Variants in FMNL2 observed in about 807,000 individuals in gnomAD.
FMNL2 encodes formin like 2, also known as formin-like protein 2.
Under a neutral mutation model 130.2 loss-of-function variants are expected in FMNL2, and 51 were observed. The ratio of observed to expected loss-of-function variants is 0.39; its 90% CI spans 0.31 to 0.49. The LOEUF is 0.49. FMNL2 is among the 20% of genes least tolerant of loss of function. The pLI is 0.85. For synonymous variants in FMNL2, 465 were observed against 467.1 expected, an observed-to-expected ratio of 1.00 and a Z score of 0.06; for missense variants, 977 against 1,316.2, an observed-to-expected ratio of 0.74 and a Z score of 3.99.
intron 1 of FMNL2, among the ~76,000 whole-genome samples, chr2:152,510,350 T>A (rs1179822643): frequency 6.6e-6 from 1 of 152,216 alleles, no homozygotes; most frequent in Non-Finnish European, 1.5e-5. Flanking sequence ...TAACAAATTA[T>A]TTTTCCTTCC....
At chr2:152,628,857 A>C (rs1358145015) in intron 18 of FMNL2, among the ~76,000 whole-genome samples, 1 of 152,242 alleles carries the variant, frequency 6.6e-6, no homozygotes, top group African/African-American at 2.4e-5. Context: ...CTCTGAAGAT[A>C]CTAGTCTTCT....
intron 6 of FMNL2, among the ~76,000 whole-genome samples, chr2:152,564,699 C>T (rs760167929): frequency 6.7e-5 from 10 of 149,206 alleles, no homozygotes; most frequent in Non-Finnish European, 3.0e-5. Context: ...TGCCACTGCA[C>T]TCCAGCCTGG....
At chr2:152,621,787 C>G (rs1480736183) in intron 15 of FMNL2, among the ~76,000 whole-genome samples, 1 of 152,188 alleles carries the variant, frequency 6.6e-6, no homozygotes, top group Non-Finnish European at 1.5e-5. Flanking sequence ...GAGTAACTCT[C>G]TCTCTCACTC....
intron 9 of FMNL2, among the ~76,000 whole-genome samples, chr2:152,594,265 G>A (rs1697636177): frequency 6.6e-6 from 1 of 152,128 alleles, no homozygotes; most frequent in African/African-American, 2.4e-5. Context: ...TATTCAAATA[G>A]TTCCCTCTAA....
At chr2:152,643,632 T>G in intron 25 of FMNL2, 1 of 1,486,160 alleles carries the variant, frequency 6.7e-7, no homozygotes, top group South Asian at 1.3e-5. Flanking sequence ...GCCATCTCCA[T>G]CATGTTATAT....
intron 3 of FMNL2, among the ~76,000 whole-genome samples, chr2:152,547,135 G>C (rs530398402): frequency 1.3e-5 from 2 of 152,094 alleles, no homozygotes; most frequent in African/African-American, 4.8e-5. Context: ...TAGTGACAGA[G>C]TTTCTCCATG....
At chr2:152,349,143 G>A (rs922528486) in intron 1 of FMNL2, among the ~76,000 whole-genome samples, 4 of 152,114 alleles carry the variant, frequency 2.6e-5, no homozygotes, top group Admixed American at 1.3e-4. Flanking sequence ...CCACTTCTAA[G>A]GGTTTTAAAT....
At chr2:152,386,283 G>T (rs1684777427) in intron 1 of FMNL2, among the ~76,000 whole-genome samples, 2 of 152,152 alleles carry the variant, frequency 1.3e-5, no homozygotes, top group Admixed American at 1.3e-4. Flanking sequence ...GTAATCCCGG[G>T]TGCACACTTG....
At chr2:152,405,073 T>C (rs1453181448) in intron 1 of FMNL2, among the ~76,000 whole-genome samples, 1 of 152,190 alleles carries the variant, frequency 6.6e-6, no homozygotes, top group African/African-American at 2.4e-5. Flanking sequence ...AAAGGATACA[T>C]GCTTGGGAAC....
intron 1 of FMNL2, among the ~76,000 whole-genome samples, chr2:152,472,233 T>G (rs894700883): frequency 1.3e-5 from 2 of 152,220 alleles, no homozygotes; most frequent in Non-Finnish European, 2.9e-5. Context: ...TGAAGGGTCT[T>G]TAAGTACCTT....
intron 1 of FMNL2, among the ~76,000 whole-genome samples, chr2:152,495,743 A>ACCTG (rs1691485252): frequency 1.3e-5 from 2 of 151,250 alleles, no homozygotes; most frequent in East Asian, 1.9e-4. Flanking sequence ...ACACTTCCCT[A>ACCTG]CCTGCCTGCC....
At chr2:152,486,320 T>G (rs1425359024) in intron 1 of FMNL2, among the ~76,000 whole-genome samples, 2 of 152,242 alleles carry the variant, frequency 1.3e-5, no homozygotes, top group African/African-American at 4.8e-5. Context: ...AGGAGAACTT[T>G]TTATGTTCCT....
intron 1 of FMNL2, among the ~76,000 whole-genome samples, chr2:152,464,876 A>C (rs1689441022): frequency 6.6e-6 from 1 of 152,136 alleles, no homozygotes; most frequent in South Asian, 2.1e-4. Context: ...GATACCAAAA[A>C]ATTGCCCTAA....
At chr2:152,528,244 C>T (rs1308898175) in intron 2 of FMNL2, among the ~76,000 whole-genome samples, 1 of 152,118 alleles carries the variant, frequency 6.6e-6, no homozygotes, top group East Asian at 1.9e-4. Flanking sequence ...TTGTAGTTTT[C>T]TGTGCACCAA....
intron 2 of FMNL2, among the ~76,000 whole-genome samples, chr2:152,525,063 G>A (rs1693311189): frequency 1.3e-5 from 2 of 152,126 alleles, no homozygotes; most frequent in Admixed American, 6.5e-5. Flanking sequence ...GAGGTTCATA[G>A]AGCCTAAATG....
At chr2:152,558,582 G>A (rs1011218077) in intron 4 of FMNL2, among the ~76,000 whole-genome samples, 158 bp from the exon 5 acceptor site, 2 of 152,158 alleles carry the variant, frequency 1.3e-5, no homozygotes, top group African/African-American at 4.8e-5. Context: ...TATCTGAAAA[G>A]CTCCTGCCTC....
intron 1 of FMNL2, among the ~76,000 whole-genome samples, chr2:152,498,010 T>G (rs1307780559): frequency 6.6e-6 from 1 of 152,186 alleles, no homozygotes; most frequent in Admixed American, 6.5e-5. Context: ...CTGCTTTGGA[T>G]TTTTCTAATA....
rs34722196 is a variant in FMNL2, at chr2:152,474,744, A to G, written c.118-47199A>G. Among the ~76,000 whole-genome samples, 1,309 of 152,258 alleles carry G rather than the reference A, an allele frequency of 8.6e-3. 13 individuals are homozygous for G. Among genetic ancestry groups the G allele is most frequent in the African/African-American group, 0.026 (1,075 of 41,554 alleles). Reference sequence around the variant, plus strand: ...CAGCACTTATTTCACGTACCTGTTTAGACTGTGCTTAGTTGCCAATGATTG... The same window carrying G: ...CAGCACTTATTTCACGTACCTGTTTGGACTGTGCTTAGTTGCCAATGATTG... On this transcript the variant is annotated intron_variant, in intron 1 of 25. Coordinates refer to ENST00000288670, the MANE Select transcript of FMNL2 (RefSeq NM_052905.4).
Position 152,359,310 on chromosome 2 carries a change from C to T in FMNL2, c.117+23590C>T, listed in dbSNP as rs552671100. 2.0e-5 allele frequency among the ~76,000 whole-genome samples: 3 copies of T among 152,114 alleles called. No homozygotes were observed. In the East Asian group the frequency reaches 5.8e-4, roughly 29 times the overall value. On this transcript the variant is annotated intron_variant, in intron 1 of 25. Transcript: ENST00000288670. ...ATAACTGTAATTAATTCCATGTAAC[C>T]TAAGAGGAAATTTAGGTGCAGAGTT...
Sources: gnomAD v4.1 joint callset for allele counts (sites outside exome capture counted in the v4.1 genomes callset) on GRCh38, gnomAD v4.1.1 for gene constraint, MANE v1.5 for transcripts, NCBI Gene and HGNC (gene_info 2026-07-23, HGNC 2026-07-21) for gene names.